Variants in DAZAP1 observed in about 807,000 individuals in gnomAD.
DAZAP1 encodes DAZ associated protein 1, also known as DAZ-associated protein 1.
A neutral mutation model predicts 60.1 loss-of-function variants in DAZAP1; 6 were observed. The ratio of observed to expected loss-of-function variants is 0.10; its 90% CI spans 0.05 to 0.20. The LOEUF is 0.20. Ranked by LOEUF, DAZAP1 falls within the 10% of genes least tolerant of loss-of-function variation. The probability of loss-of-function intolerance (pLI) is 1.00; values close to 1 mark genes in which losing one functional copy is unlikely to be tolerated. For missense variants in DAZAP1, 366 were observed against 560.4 expected (o/e 0.65, Z 3.50); for synonymous variants, 235 against 215.9 (o/e 1.09, Z -0.78).
intron 1 of DAZAP1, among the ~76,000 whole-genome samples, chr19:1,408,856 C>T (rs2082742593): frequency 6.6e-6 from 1 of 152,184 alleles, no homozygotes; most frequent in Non-Finnish European, 1.5e-5. Context: ...TTTAGAGTTG[C>T]ATTCTTCCGG....
rs1189634555 is a variant in DAZAP1 at position 1,428,873 on chromosome 19, G to A, written c.578G>A (p.Ser193Asn). ...GTTAAACGAGCTGAGCCTCGGGACA[G>A]CAAGAGCCAAGCGCCGGGACAGCCA... ...VEVKRAEPRD[S>N]KSQAPGQPGA... is the part of the protein sequence containing the mutation. The change falls in exon 8 of 12, where the codon AGC (serine) becomes AAC (asparagine). Residue 193 changes from serine to asparagine, a missense_variant. By Grantham distance (46) the Ser-to-Asn change is conservative. Around this residue, in one of 3 missense-constraint regions of DAZAP1, gnomAD observed 240 missense variants for 308.8 expected, o/e 0.78. Transcript: ENST00000233078. This position sits in a 1 kb window ranked among gnomAD's most constrained non-coding sequence, Gnocchi z 4.0. 1.2e-6 allele frequency: 2 copies of A among 1,613,134 alleles called. No individual in the cohort carries two copies. Among genetic ancestry groups the A allele is most frequent in the African/African-American group, 1.3e-5 (1 of 75,044 alleles).
Position 1,434,995 on chromosome 19 carries a change from A to G in DAZAP1, c.*83A>G, listed in dbSNP as rs2083561238. 1 of 166,802 alleles carries G rather than the reference A, an allele frequency of 6.0e-6. No individual in the cohort carries two copies. The highest frequency in any genetic ancestry group is 2.5e-4 in the South Asian group (1 of 3,978). 10.3% of individuals were successfully genotyped at this position (166,802 alleles called of 1,614,324 possible). On this transcript the variant is annotated 3_prime_UTR_variant, in exon 12 of 12. Transcript: ENST00000233078. The surrounding 1 kb of genome is among the most constrained non-coding windows in gnomAD (Gnocchi z 8.0). ...GTGACAATCACAAACTTGGCGGCAA[A>G]GTGGCGACTCAACCTTGGGGGGGGG... is the stretch of plus-strand genomic sequence containing the variant.
Position 1,435,090 on chromosome 19 carries a change from C to T in DAZAP1, c.*178C>T, listed in dbSNP as rs560343219. On this transcript the variant is annotated 3_prime_UTR_variant, in exon 12 of 12. Transcript: ENST00000233078. The stretch of plus-strand genomic sequence containing the variant: ...TCTGGACTGAGGTTTTTAAATATTT[C>T]TTTCTCTAACCCATCAGCACAATAA... 3 of 442,056 alleles carry T rather than the reference C, an allele frequency of 6.8e-6. No homozygotes were observed. Among genetic ancestry groups the T allele is most frequent in the African/African-American group, 6.2e-5 (3 of 48,396 alleles). 27.4% of individuals were successfully genotyped at this position (442,056 alleles called of 1,614,324 possible).
chr19:1,408,206 C>T (rs1013683595), intron 1 of DAZAP1, among the ~76,000 whole-genome samples: 3 of 151,666 alleles, frequency 2.0e-5, no homozygotes, highest in African/African-American at 7.3e-5. Context: ...GGTTCAGGGG[C>T]CCCCGCCGCC....
Position 1,432,460 on chromosome 19 carries a change from T to G in DAZAP1, c.872-54T>G. The stretch of plus-strand genomic sequence containing the variant: ...GGGCTGGGTGTGGGTCTCCTGCTGG[T>G]CTGCCCCCAGCTGCACAACGTGTCT... On this transcript the variant is annotated intron_variant, in intron 10 of 11. Coordinates refer to ENST00000233078, the MANE Select transcript of DAZAP1 (RefSeq NM_018959.4). The surrounding 1 kb of genome is among the most constrained non-coding windows in gnomAD (Gnocchi z 4.9). 1.3e-6 allele frequency: 2 copies of G among 1,587,904 alleles called. No individual in the cohort carries two copies. Among genetic ancestry groups the G allele is most frequent in the East Asian group, 2.2e-5 (1 of 44,702 alleles).
In DAZAP1 at chr19:1,433,283, C is replaced by G. The variant is rs1190026241; in HGVS notation, c.1048+593C>G. On this transcript the variant is annotated intron_variant, in intron 11 of 11. Transcript: ENST00000233078. The surrounding 1 kb of genome is among the most constrained non-coding windows in gnomAD (Gnocchi z 6.1). ...AAGGTCTGCATGTCAGTAGTTCTCGCCCTGCACTGAGCCAGGAGTCACAGC... is the reference window on the plus strand; with the variant it reads ...AAGGTCTGCATGTCAGTAGTTCTCGGCCTGCACTGAGCCAGGAGTCACAGC... 2 of 215,108 alleles carry G rather than the reference C, an allele frequency of 9.3e-6. No homozygotes were observed. The highest frequency in any genetic ancestry group is 1.9e-5 in the Non-Finnish European group (2 of 105,170). The allele number at this position is 215,108 out of a possible 1,614,324, so 13.3% of individuals were successfully genotyped here. A position where few individuals can be genotyped will look rare whatever the true frequency, so the allele number is the denominator to read the frequency against.
At chr19:1,408,795 G>C (rs964850779) in intron 1 of DAZAP1, among the ~76,000 whole-genome samples, 1 of 152,234 alleles carries the variant, frequency 6.6e-6, no homozygotes, top group Non-Finnish European at 1.5e-5. Context: ...CTGTGCCCCA[G>C]GGCTCGGCGC....
At position 1,434,577 on chromosome 19, in the gene DAZAP1, C is replaced by T. The variant is rs1354777478; in HGVS notation, c.1049-160C>T. 1 of 646,790 alleles carries T rather than the reference C, an allele frequency of 1.5e-6. No individual in the cohort carries two copies. Among genetic ancestry groups the T allele is most frequent in the Non-Finnish European group, 2.6e-6 (1 of 378,596 alleles). The allele number at this position is 646,790 out of a possible 1,614,324, so 40.1% of individuals were successfully genotyped here. ...AGGGAGAGAACATGCCCGGGGTCCT[C>T]TCCCCGGCCCAGGTGCTGGCCTCAG... On this transcript the variant is annotated intron_variant, in intron 11 of 11. Transcript: ENST00000233078. This position sits in a 1 kb window ranked among gnomAD's most constrained non-coding sequence, Gnocchi z 8.0.
intron 10 of DAZAP1, among the ~76,000 whole-genome samples, chr19:1,431,030 C>G (rs2144918719): frequency 6.6e-6 from 1 of 151,538 alleles, no homozygotes; most frequent in South Asian, 2.1e-4. Flanking sequence ...CTCACAGGCT[C>G]TAATTCTTGA....
At chr19:1,421,987 G>C (rs1019970398) in intron 5 of DAZAP1, among the ~76,000 whole-genome samples, 3 of 152,208 alleles carry the variant, frequency 2.0e-5, no homozygotes, top group Admixed American at 2.0e-4. Context: ...GTTTGGGTGG[G>C]AAGGGCTTCT....
At position 1,434,630 on chromosome 19, in the gene DAZAP1, C is replaced by T; in HGVS notation, c.1049-107C>T. ...GGGCCCCACCCGCACCCCGTGGGACCCGTGGACTCAAGGCAGGCTCGGCGG... is the reference window on the plus strand; with the variant it reads ...GGGCCCCACCCGCACCCCGTGGGACTCGTGGACTCAAGGCAGGCTCGGCGG... On this transcript the variant is annotated intron_variant, in intron 11 of 11. Coordinates refer to ENST00000233078, the MANE Select transcript of DAZAP1 (RefSeq NM_018959.4). This position sits in a 1 kb window ranked among gnomAD's most constrained non-coding sequence, Gnocchi z 8.0. 1 of 1,237,310 alleles carries T rather than the reference C, an allele frequency of 8.1e-7. No individual in the cohort carries two copies. Among genetic ancestry groups the T allele is most frequent in the Non-Finnish European group, 1.2e-6 (1 of 868,624 alleles). 76.6% of individuals were successfully genotyped at this position (1,237,310 alleles called of 1,614,324 possible).
At chr19:1,430,924 T>C (rs573030742) in intron 10 of DAZAP1, among the ~76,000 whole-genome samples, 1 of 150,824 alleles carries the variant, frequency 6.6e-6, no homozygotes, top group South Asian at 2.1e-4. Context: ...GGTTTCACCA[T>C]GTTAGCCAGG....
rs902484748 is a variant in DAZAP1, at chr19:1,432,766, C to T, written c.1048+76C>T. Reference sequence around the variant, plus strand: ...CACGGCCTGCCTTCTTCTGCTTCCTCCCCTGCTGGACGCTCCCCAGCCTTT... The same window carrying T: ...CACGGCCTGCCTTCTTCTGCTTCCTTCCCTGCTGGACGCTCCCCAGCCTTT... On this transcript the variant is annotated intron_variant, in intron 11 of 11. Transcript: ENST00000233078. The surrounding 1 kb of genome is among the most constrained non-coding windows in gnomAD (Gnocchi z 4.9). 1.8e-5 allele frequency: 26 copies of T among 1,468,722 alleles called. No homozygotes were observed. The African/African-American group carries it at 3.5e-4, about 20-fold the overall frequency. The allele number at this position is 1,468,722 out of a possible 1,614,324, so 91.0% of individuals were successfully genotyped here. A position where few individuals can be genotyped will look rare whatever the true frequency, so the allele number is the denominator to read the frequency against.
At position 1,422,316 on chromosome 19, in the gene DAZAP1, G is replaced by T; in HGVS notation, c.415-32G>T. The T allele has an allele frequency of 6.2e-7, 1 of 1,610,650 alleles. No homozygotes were observed. Among genetic ancestry groups the T allele is most frequent in the African/African-American group, 1.3e-5 (1 of 74,962 alleles). On this transcript the variant is annotated intron_variant, in intron 5 of 11. Transcript: ENST00000233078. The surrounding 1 kb of genome is among the most constrained non-coding windows in gnomAD (Gnocchi z 4.5). The stretch of plus-strand genomic sequence containing the variant: ...AAGACCACCTGTGGTGCTGGCCCTG[G>T]TGTCCGTGCTGACGCCACCCTCTCC...
At chr19:1,431,999 C>G (rs1241356441) in intron 10 of DAZAP1, 1 of 170,046 alleles carries the variant, frequency 5.9e-6, no homozygotes, top group Non-Finnish European at 1.3e-5. Flanking sequence ...ACACGGAGGC[C>G]TGTGGGCCAG....
chr19:1,422,435 C>T lies in DAZAP1; in HGVS notation c.463+39C>T. 1 of 1,599,766 alleles carries T rather than the reference C, an allele frequency of 6.3e-7. No individual in the cohort carries two copies. Among genetic ancestry groups the T allele is most frequent in the Non-Finnish European group, 8.6e-7 (1 of 1,167,806 alleles). On this transcript the variant is annotated intron_variant, in intron 6 of 11. Coordinates refer to ENST00000233078, the MANE Select transcript of DAZAP1 (RefSeq NM_018959.4). The surrounding 1 kb of genome is among the most constrained non-coding windows in gnomAD (Gnocchi z 4.5). ...TAGTTTGACCTCGGCCTTCTCCCTG[C>T]TCCTCCCTCAGATGGCAAACTATCT... is the stretch of plus-strand genomic sequence containing the variant.
intron 1 of DAZAP1, among the ~76,000 whole-genome samples, chr19:1,415,102 C>G (rs533840132): frequency 6.6e-6 from 1 of 152,144 alleles, no homozygotes; most frequent in African/African-American, 2.4e-5. Context: ...CTAACCCCCC[C>G]GGCCCTGTTT....
At chr19:1,430,440 C>T in intron 10 of DAZAP1, 78 bp downstream of exon 10, 1 of 1,339,350 alleles carries the variant, frequency 7.5e-7, no homozygotes, top group Middle Eastern at 2.6e-4. Context: ...GATGGGGAGT[C>T]TTGTGTTACA....
chr19:1,426,405 A>C lies in DAZAP1; in HGVS notation c.546+445A>C, dbSNP rs940508062. On this transcript the variant is annotated intron_variant, in intron 7 of 11. Transcript: ENST00000233078. The surrounding 1 kb of genome is among the most constrained non-coding windows in gnomAD (Gnocchi z 5.4). ...AGGTTCCGCTTAAAATGGAAAGCAC[A>C]GTGGAAACATCATGAAGGACTGGTT... 9.4e-5 allele frequency: 16 copies of C among 170,378 alleles called. No homozygotes were observed. The allele number at this position is 170,378 out of a possible 1,614,324, so 10.6% of individuals were successfully genotyped here.
Sources: allele counts gnomAD v4.1 joint callset (sites outside exome capture counted in the v4.1 genomes callset), GRCh38; gene constraint gnomAD v4.1.1; regional missense constraint gnomAD v4.1.1; non-coding constraint Gnocchi (gnomAD v3.1); transcripts MANE v1.5; gene names NCBI Gene and HGNC (gene_info 2026-07-23, HGNC 2026-07-21).